Variants in MAP3K20 observed in about 807,000 individuals in gnomAD.
The protein encoded by MAP3K20 is mitogen-activated protein kinase kinase kinase 20.
Under a neutral mutation model 85.7 loss-of-function variants are expected in MAP3K20, and 40 were observed. The observed-to-expected ratio is 0.47, with a 90% CI of 0.36 to 0.61. MAP3K20 has a LOEUF of 0.61. Ranked by LOEUF, MAP3K20 falls within the 20% of genes least tolerant of loss-of-function variation. The pLI is 0.00. For missense variants in MAP3K20, 817 were observed against 961.7 expected, an observed-to-expected ratio of 0.85 and a Z score of 1.99; for synonymous variants, 325 against 327.7, an observed-to-expected ratio of 0.99 and a Z score of 0.09.
intron 4 of MAP3K20, among the ~76,000 whole-genome samples, chr2:173,184,109 A>C (rs953603406): frequency 1.4e-4 from 21 of 152,176 alleles, no homozygotes; most frequent in Admixed American, 1.4e-3. Context: ...ATCTCAAATC[A>C]TGCTTAAACT....
chr2:173,110,222 TATATATATATATATATATA>T lies in MAP3K20; in HGVS notation c.159+19033_159+19051del, dbSNP rs1275825450. 9.4e-3 allele frequency among the ~76,000 whole-genome samples: 80 copies of T among 8,512 alleles called. 1 individual carries two copies. Among genetic ancestry groups the T allele is most frequent in the Non-Finnish European group, 0.014 (48 of 3,378 alleles). The allele number at this position is 8,512 out of a possible 152,430, so 5.6% of individuals were successfully genotyped here. On this transcript the variant is annotated intron_variant, in intron 2 of 19. Transcript: ENST00000375213. ...ATACATATATATATATATATATATA[TATATATATATATATATATA>T]TTTTTTTTTTTTTTTTTTTTTTTTT... is the stretch of plus-strand genomic sequence containing the variant.
chr2:173,127,769 C>A (rs1262613501), intron 2 of MAP3K20, among the ~76,000 whole-genome samples: 2 of 152,058 alleles, frequency 1.3e-5, no homozygotes, highest in Non-Finnish European at 2.9e-5. Flanking sequence ...AAAGGCTGCC[C>A]CATAATTCAT....
intron 2 of MAP3K20, among the ~76,000 whole-genome samples, chr2:173,124,315 T>G (rs748258175): frequency 1.3e-5 from 2 of 151,576 alleles, no homozygotes; most frequent in Non-Finnish European, 2.9e-5. Flanking sequence ...AAAGAGACTC[T>G]AAAGTATATG....
intron 1 of MAP3K20, among the ~76,000 whole-genome samples, chr2:173,080,453 A>G (rs1192900263): frequency 6.6e-6 from 1 of 152,202 alleles, no homozygotes; most frequent in Non-Finnish European, 1.5e-5. Flanking sequence ...GTCCAGGTAC[A>G]TGGCTCTGGC....
chr2:173,144,268 C>A (rs1689061397), intron 2 of MAP3K20, among the ~76,000 whole-genome samples: 2 of 151,864 alleles, frequency 1.3e-5, no homozygotes, highest in South Asian at 4.1e-4. Context: ...TCAAGACCAT[C>A]CAGGCTAACA....
At chr2:173,168,281 A>G (rs976449374) in intron 2 of MAP3K20, among the ~76,000 whole-genome samples, 2 of 152,154 alleles carry the variant, frequency 1.3e-5, no homozygotes, top group Non-Finnish European at 1.5e-5. Flanking sequence ...GAGGCACTCA[A>G]TAAGTATTAA....
chr2:173,175,448 G>A (rs567887922), intron 3 of MAP3K20, among the ~76,000 whole-genome samples: 1 of 152,268 alleles, frequency 6.6e-6, no homozygotes, highest in Admixed American at 6.5e-5. Flanking sequence ...AATAATGAGG[G>A]CTGACTAAAC....
At chr2:173,133,296 C>A (rs138662776) in intron 2 of MAP3K20, among the ~76,000 whole-genome samples, 13 of 152,044 alleles carry the variant, frequency 8.6e-5, no homozygotes, top group Non-Finnish European at 1.6e-4. Context: ...CACGTAGAGA[C>A]GATGCACAGT....
chr2:173,245,454 C>T (rs1324762498), intron 16 of MAP3K20, among the ~76,000 whole-genome samples: 1 of 152,158 alleles, frequency 6.6e-6, no homozygotes, highest in East Asian at 1.9e-4. Flanking sequence ...CCTGACCAGG[C>T]TCCAGCCCCA....
rs572518928 is a variant in MAP3K20 at position 173,188,839 on chromosome 2, G to A, written c.415+1216G>A. ...TCATTAGGAAATAATCTAGGCTGTA[G>A]TAGAAAAGATCAGAGTTTTATGAAT... On this transcript the variant is annotated intron_variant, in intron 5 of 19. Coordinates refer to ENST00000375213, the MANE Select transcript of MAP3K20 (RefSeq NM_016653.3). 2.7e-3 allele frequency among the ~76,000 whole-genome samples: 411 copies of A among 152,280 alleles called. 2 individuals carry two copies. Among genetic ancestry groups the A allele is most frequent in the African/African-American group, 9.5e-3 (393 of 41,560 alleles).
intron 11 of MAP3K20, chr2:173,227,275 G>A (rs771238371): frequency 4.9e-6 from 2 of 408,816 alleles, no homozygotes; most frequent in Non-Finnish European, 6.6e-6. Flanking sequence ...CAGTGGGAGT[G>A]TAAATAATAA....
At chr2:173,160,426 AT>A (rs1468438833) in intron 2 of MAP3K20, 3 of 152,094 alleles carry the variant, frequency 2.0e-5, no homozygotes, top group Non-Finnish European at 4.4e-5. Flanking sequence ...GAAGTTTTTT[AT>A]TTTTATTTAA....
chr2:173,202,865 T>A (rs528226682), intron 8 of MAP3K20, among the ~76,000 whole-genome samples: 1 of 152,284 alleles, frequency 6.6e-6, no homozygotes, highest in Non-Finnish European at 1.5e-5. Context: ...TTTGATTTAT[T>A]TTATTTGGTA....
At chr2:173,156,303 A>G (rs1689468769) in intron 2 of MAP3K20, among the ~76,000 whole-genome samples, 1 of 152,326 alleles carries the variant, frequency 6.6e-6, no homozygotes, top group African/African-American at 2.4e-5. Context: ...CTTTTAGTAG[A>G]ACCCCATTTA....
chr2:173,223,855 A>G, intron 11 of MAP3K20: 1 of 985,478 alleles, frequency 1.0e-6, no homozygotes, highest in Non-Finnish European at 1.2e-6. Flanking sequence ...AAAAGCTTGG[A>G]GTAGAGCAGA....
chr2:173,238,550 C>A (rs1253618863), intron 15 of MAP3K20, 115 bp downstream of exon 15: 3 of 930,318 alleles, frequency 3.2e-6, no homozygotes, highest in South Asian at 1.7e-5. Flanking sequence ...GAAATTTCAT[C>A]ATATCTGTCT....
intron 16 of MAP3K20, among the ~76,000 whole-genome samples, chr2:173,242,314 C>T (rs1192115861): frequency 3.3e-5 from 5 of 151,604 alleles, no homozygotes; most frequent in East Asian, 2.0e-4. Context: ...GGATTACAGT[C>T]GCGTGCCAAC....
At chr2:173,127,671 G>A (rs567350556) in intron 2 of MAP3K20, among the ~76,000 whole-genome samples, 219 of 151,916 alleles carry the variant, frequency 1.4e-3, no homozygotes, top group African/African-American at 5.1e-3. Context: ...TGGAAATAAG[G>A]TACTAACTCC....
intron 2 of MAP3K20, among the ~76,000 whole-genome samples, chr2:173,099,990 C>A (rs1687590659): frequency 6.6e-6 from 1 of 152,238 alleles, no homozygotes. Context: ...CTGTACCCCA[C>A]AGTCAGAACA....
Sources: allele counts gnomAD v4.1 joint callset (sites outside exome capture counted in the v4.1 genomes callset), GRCh38; gene constraint gnomAD v4.1.1; transcripts MANE v1.5; gene names NCBI Gene and HGNC (gene_info 2026-07-23, HGNC 2026-07-21).